ZNF423: variants seen among roughly 807,000 people sequenced by gnomAD.
The protein encoded by ZNF423 is zinc finger protein 423, also known as Ebf-associated zinc finger protein.
In ZNF423, 12 loss-of-function variants were observed where a neutral mutation model predicts 95.8. That is an observed-to-expected ratio of 0.13 (90% CI 0.08 to 0.20). ZNF423 has a LOEUF of 0.20. Among genes scored for constraint, ZNF423 ranks in the 10% least tolerant of loss-of-function variants. The pLI, the probability that ZNF423 is intolerant of heterozygous loss-of-function variation, is 1.00. For missense variants in ZNF423, 1,316 were observed against 1,737.1 expected (o/e 0.76, Z 4.31); for synonymous variants, 749 against 711.9 (o/e 1.05, Z -0.83).
At chr16:49,618,976 G>A (rs1971969383) in intron 5 of ZNF423, among the ~76,000 whole-genome samples, 1 of 152,070 alleles carries the variant, frequency 6.6e-6, no homozygotes, top group African/African-American at 2.4e-5. Context: ...CCCACCTCCT[G>A]CCTCAAAGTT....
At chr16:49,705,570 A>G (rs1004374356) in intron 3 of ZNF423, among the ~76,000 whole-genome samples, 4 of 152,216 alleles carry the variant, frequency 2.6e-5, no homozygotes, top group African/African-American at 4.8e-5. Context: ...ATTTTGAGAC[A>G]GAGTTTCACT....
At chr16:49,732,541 C>T (rs2033193097) in intron 2 of ZNF423, among the ~76,000 whole-genome samples, 1 of 152,192 alleles carries the variant, frequency 6.6e-6, no homozygotes, top group Admixed American at 6.5e-5. Context: ...AGCATATGTA[C>T]ATATGCAAAA....
chr16:49,826,404 G>A (rs2035005654), intron 1 of ZNF423, among the ~76,000 whole-genome samples: 1 of 152,218 alleles, frequency 6.6e-6, no homozygotes, highest in Non-Finnish European at 1.5e-5. Context: ...CCAAAATGCA[G>A]TTAAGGGGAA....
chr16:49,502,115 C>A (rs1337091990), intron 7 of ZNF423, among the ~76,000 whole-genome samples: 1 of 152,206 alleles, frequency 6.6e-6, no homozygotes, highest in Non-Finnish European at 1.5e-5. Context: ...GAAAACATAT[C>A]TGCAGGTTGA....
At chr16:49,727,138 T>C (rs2033040837) in intron 3 of ZNF423, among the ~76,000 whole-genome samples, 2 of 152,214 alleles carry the variant, frequency 1.3e-5, no homozygotes, top group Non-Finnish European at 2.9e-5. Context: ...TAAGGTTGGT[T>C]TCTCCTCAGA....
At chr16:49,562,240 G>C (rs1271045463) in intron 5 of ZNF423, among the ~76,000 whole-genome samples, 2 of 152,248 alleles carry the variant, frequency 1.3e-5, no homozygotes, top group African/African-American at 4.8e-5. Context: ...CTGGTTCTGA[G>C]CTTGCTTGGA....
chr16:49,777,924 G>A (rs1299363528), intron 2 of ZNF423, among the ~76,000 whole-genome samples: 1 of 152,212 alleles, frequency 6.6e-6, no homozygotes, highest in Non-Finnish European at 1.5e-5. Flanking sequence ...ACGACAGGAA[G>A]CAAACAGGCA....
At chr16:49,726,856 CAAAAAAAAAAAAAAAA>C (rs368675702) in intron 3 of ZNF423, among the ~76,000 whole-genome samples, 1 of 94,784 alleles carries the variant, frequency 1.1e-5, no homozygotes, top group Admixed American at 1.4e-4. Flanking sequence ...TTCCCCCTAG[CAAAAAAAAAAAAAAAA>C]AAAAAAAAAA....
chr16:49,746,052 A>C (rs1187891940), intron 2 of ZNF423, among the ~76,000 whole-genome samples: 1 of 152,088 alleles, frequency 6.6e-6, no homozygotes, highest in African/African-American at 2.4e-5. Flanking sequence ...CTTTGTCCCT[A>C]ACTCTTGGCA....
At chr16:49,548,750 T>C (rs1969526731) in intron 5 of ZNF423, among the ~76,000 whole-genome samples, 1 of 152,172 alleles carries the variant, frequency 6.6e-6, no homozygotes, top group South Asian at 2.1e-4. Context: ...AGGCAAGCCG[T>C]GCCTGAACCA....
chr16:49,504,060 G>GA (rs1373888495), intron 7 of ZNF423, among the ~76,000 whole-genome samples: 1 of 152,316 alleles, frequency 6.6e-6, no homozygotes, highest in East Asian at 1.9e-4. Flanking sequence ...AAATCATAGA[G>GA]ATGGAAAGTG....
At chr16:49,581,864 G>T (rs543219296) in intron 5 of ZNF423, among the ~76,000 whole-genome samples, 1 of 152,256 alleles carries the variant, frequency 6.6e-6, no homozygotes, top group African/African-American at 2.4e-5. Flanking sequence ...TAAAAAACGG[G>T]ACCTGCCAAC....
intron 2 of ZNF423, among the ~76,000 whole-genome samples, chr16:49,732,601 G>T (rs1197335991): frequency 6.6e-6 from 1 of 152,214 alleles, no homozygotes; most frequent in East Asian, 1.9e-4. Flanking sequence ...CAACATCACA[G>T]TTACAGGAAA....
At chr16:49,727,528 GTT>G (rs2033055879) in intron 3 of ZNF423, among the ~76,000 whole-genome samples, 2 of 151,520 alleles carry the variant, frequency 1.3e-5, no homozygotes, top group South Asian at 2.1e-4. Context: ...TACAGAAGCA[GTT>G]TTCAGGAAGA....
chr16:49,727,992 G>A (rs1186637685), intron 3 of ZNF423, among the ~76,000 whole-genome samples: 1 of 152,174 alleles, frequency 6.6e-6, no homozygotes, highest in Non-Finnish European at 1.5e-5. Context: ...AACATCATCT[G>A]CTAAAGCCCC....
intron 2 of ZNF423, among the ~76,000 whole-genome samples, chr16:49,780,956 G>A (rs1356227527): frequency 2.6e-5 from 4 of 152,228 alleles, no homozygotes; most frequent in Non-Finnish European, 4.4e-5. Context: ...AAAGGTGGAC[G>A]CCACCAGCAC....
At chr16:49,799,672 A>G (rs1299407376) in intron 1 of ZNF423, among the ~76,000 whole-genome samples, 2 of 152,194 alleles carry the variant, frequency 1.3e-5, no homozygotes, top group Admixed American at 1.3e-4. Context: ...ATCTTCGGCA[A>G]CTCTGCAGAA....
intron 3 of ZNF423, among the ~76,000 whole-genome samples, chr16:49,715,370 A>C (rs1300238829): frequency 6.6e-6 from 1 of 152,142 alleles, no homozygotes; most frequent in African/African-American, 2.4e-5. Flanking sequence ...CCACGTGAAA[A>C]GCTGAAAGAA....
intron 1 of ZNF423, among the ~76,000 whole-genome samples, chr16:49,821,348 C>T (rs1323203399): frequency 6.6e-6 from 1 of 152,122 alleles, no homozygotes; most frequent in African/African-American, 2.4e-5. Context: ...AGAACCAGAG[C>T]TGGGGAGGCA....
Sources: gnomAD v4.1 joint callset for allele counts (sites outside exome capture counted in the v4.1 genomes callset) on GRCh38, gnomAD v4.1.1 for gene constraint, MANE v1.5 for transcripts, NCBI Gene and HGNC (gene_info 2026-07-23, HGNC 2026-07-21) for gene names.